Variants in AVL9 observed in about 807,000 individuals in gnomAD.
The protein encoded by AVL9 is AVL9 cell migration associated.
A neutral mutation model predicts 79.2 loss-of-function variants in AVL9; 49 were observed. That is an observed-to-expected ratio of 0.62 (90% CI 0.49 to 0.79). AVL9 has a LOEUF of 0.79. Ranked by LOEUF, AVL9 falls within the 30% of genes least tolerant of loss-of-function variation. The probability of loss-of-function intolerance (pLI) is 0.00; values close to 1 mark genes in which losing one functional copy is unlikely to be tolerated. For synonymous variants in AVL9, 299 were observed against 280.6 expected, an observed-to-expected ratio of 1.07 and a Z score of -0.65; for missense variants, 682 against 776.8, an observed-to-expected ratio of 0.88 and a Z score of 1.45.
intron 1 of AVL9, among the ~76,000 whole-genome samples, chr7:32,517,710 T>C (rs183984406): frequency 3.3e-5 from 5 of 152,332 alleles, no homozygotes; most frequent in African/African-American, 9.6e-5. Context: ...GATCAAGAGA[T>C]TTCATACTTA....
At chr7:32,570,995 C>A (rs1481573593) in intron 11 of AVL9, among the ~76,000 whole-genome samples, 1 of 139,020 alleles carries the variant, frequency 7.2e-6, no homozygotes, top group Admixed American at 7.4e-5. Context: ...TTGGGGAGGC[C>A]GAGGTGGGTA....
intron 1 of AVL9, among the ~76,000 whole-genome samples, chr7:32,528,965 G>A (rs1227659972): frequency 4.6e-5 from 7 of 152,136 alleles, no homozygotes; most frequent in Non-Finnish European, 8.8e-5. Context: ...AGCCAAGATC[G>A]CGCCACTGCA....
chr7:32,567,970 T>C (rs1481700603), intron 10 of AVL9, among the ~76,000 whole-genome samples: 1 of 151,942 alleles, frequency 6.6e-6, no homozygotes, highest in Non-Finnish European at 1.5e-5. Flanking sequence ...TCTGCCCTCT[T>C]CAGCCTCCCA....
In AVL9 at chr7:32,583,831, C is replaced by G; in HGVS notation, c.1871C>G (p.Ala624Gly). The G allele has an allele frequency of 6.2e-7, 1 of 1,614,082 alleles. No homozygotes were observed. The highest frequency in any genetic ancestry group is 8.5e-7 in the Non-Finnish European group (1 of 1,179,948). Reference sequence around the variant, plus strand: ...GGAGCTTTTTCCAGTGCAAAGACAGCTATGTCTTCATGGCTTTCCACTTTC... The same window carrying G: ...GGAGCTTTTTCCAGTGCAAAGACAGGTATGTCTTCATGGCTTTCCACTTTC... ...VGGAFSSAKT[A>G]MSSWLSTFTT... Residue 624 changes from alanine (A) to glycine (G), a missense_variant, in exon 16 of 16, where the codon GCT becomes GGT. Transcript: ENST00000318709.
intron 1 of AVL9, among the ~76,000 whole-genome samples, chr7:32,518,109 C>T (rs6971793): frequency 0.19 from 28,185 of 152,094 alleles, 2,870 homozygotes; most frequent in South Asian, 0.31. Flanking sequence ...AGGATTTACA[C>T]GTGTGAGCCA....
chr7:32,587,446 A>G lies in AVL9; in HGVS notation c.*3539A>G, dbSNP rs1791847724. On this transcript the variant is annotated 3_prime_UTR_variant, in exon 16 of 16. Coordinates refer to ENST00000318709, the MANE Select transcript of AVL9 (RefSeq NM_015060.3). The stretch of plus-strand genomic sequence containing the variant: ...ACAGCTAGTGGTCTTTTCCCTCCAG[A>G]GCCAGTGATGAGTGTGGGAGCACTT... 6.6e-6 allele frequency: 1 copy of G among 152,240 alleles called. No homozygotes were observed. Among genetic ancestry groups the G allele is most frequent in the Admixed American group, 6.5e-5 (1 of 15,282 alleles). 9.4% of individuals were successfully genotyped at this position (152,240 alleles called of 1,614,324 possible). A position where few individuals can be genotyped will look rare whatever the true frequency, so the allele number is the denominator to read the frequency against.
intron 3 of AVL9, among the ~76,000 whole-genome samples, chr7:32,548,004 A>G (rs1015855570): frequency 6.6e-6 from 1 of 152,172 alleles, no homozygotes; most frequent in Non-Finnish European, 1.5e-5. Flanking sequence ...CATCCTCACA[A>G]TCACTGAGAA....
Position 32,552,290 on chromosome 7 carries a change from A to G in AVL9, c.524A>G (p.Tyr175Cys). 9 of 1,593,198 alleles carry G rather than the reference A, an allele frequency of 5.6e-6. No individual in the cohort carries two copies. The highest frequency in any genetic ancestry group is 6.9e-6 in the Non-Finnish European group (8 of 1,162,238). The change falls in exon 6 of 16, where the codon TAT (tyrosine) becomes TGT (cysteine). Residue 175 changes from tyrosine to cysteine, a missense_variant. By Grantham distance (194) the Tyr-to-Cys change is radical. Transcript: ENST00000318709. ...GCTTCATTAGAAGGATCCCAAGTAT[A>G]TCTTGGTAAGTAACTGACTTACAAG... Reference protein sequence around the residue: ...GGASLEGSQVYLGLSPRDLVL... With the variant: ...GGASLEGSQVCLGLSPRDLVL...
intron 1 of AVL9, among the ~76,000 whole-genome samples, chr7:32,524,988 T>C (rs1426279913): frequency 6.6e-6 from 1 of 152,174 alleles, no homozygotes; most frequent in African/African-American, 2.4e-5. Flanking sequence ...ACAATACTCA[T>C]GAGCAGGGAG....
chr7:32,508,024 C>T (rs1787487613), intron 1 of AVL9, among the ~76,000 whole-genome samples: 1 of 152,182 alleles, frequency 6.6e-6, no homozygotes, highest in South Asian at 2.1e-4. Context: ...GGGCTATCCT[C>T]TTTTTGTGAC....
At chr7:32,557,472 A>AT (rs1790118426) in intron 8 of AVL9, among the ~76,000 whole-genome samples, 1 of 152,064 alleles carries the variant, frequency 6.6e-6, no homozygotes, top group Non-Finnish European at 1.5e-5. Flanking sequence ...TTCTTTCTAT[A>AT]TTTTGTGACA....
In AVL9 at chr7:32,544,775, C is replaced by T. The variant is rs1583551671; in HGVS notation, c.296C>T (p.Ala99Val). ...ATCTCTTGCTATCGACAAATTGAAG[C>T]CAAGGTACGATAGTTAATAGTGAAA... ...FGISCYRQIE[A>V]KALKVRQADI... The change falls in exon 3 of 16, where the codon GCC becomes GTC. Residue 99 changes from alanine (A) to valine (V), a missense_variant. Transcript: ENST00000318709. The T allele has an allele frequency of 6.2e-7, 1 of 1,612,104 alleles. No individual in the cohort carries two copies. Among genetic ancestry groups the T allele is most frequent in the Non-Finnish European group, 8.5e-7 (1 of 1,178,552 alleles).
intron 1 of AVL9, among the ~76,000 whole-genome samples, chr7:32,525,575 C>T (rs1031080038): frequency 6.6e-6 from 1 of 152,022 alleles, no homozygotes; most frequent in Non-Finnish European, 1.5e-5. Context: ...AGATTTCACC[C>T]CTAACTTTTG....
At chr7:32,570,813 G>T (rs555038552) in intron 11 of AVL9, among the ~76,000 whole-genome samples, 48 of 150,972 alleles carry the variant, frequency 3.2e-4, no homozygotes, top group Middle Eastern at 3.4e-3. Context: ...TAGAGATGGG[G>T]TTTCACCATG....
chr7:32,553,855 C>G (rs1789948915), intron 7 of AVL9, 88 bp downstream of exon 7: 1 of 917,964 alleles, frequency 1.1e-6, no homozygotes, highest in Non-Finnish European at 1.7e-6. Context: ...CTGCCAAATT[C>G]AGTGTGCTAA....
intron 10 of AVL9, among the ~76,000 whole-genome samples, chr7:32,564,243 T>G (rs185979782): frequency 3.3e-5 from 5 of 152,354 alleles, no homozygotes; most frequent in Admixed American, 3.3e-4. Context: ...CTTACTAACA[T>G]CCCTATAAAA....
chr7:32,560,524 T>C (rs2128142719), intron 10 of AVL9, among the ~76,000 whole-genome samples: 1 of 152,298 alleles, frequency 6.6e-6, no homozygotes, highest in South Asian at 2.1e-4. Flanking sequence ...AGTCACATTT[T>C]CAGATTCCAC....
At chr7:32,555,733 A>T (rs1336700191) in intron 8 of AVL9, among the ~76,000 whole-genome samples, 1 of 152,216 alleles carries the variant, frequency 6.6e-6, no homozygotes, top group Admixed American at 6.5e-5. Flanking sequence ...CCATCCTTGG[A>T]TCTGGGCCAG....
intron 1 of AVL9, among the ~76,000 whole-genome samples, chr7:32,515,009 A>G (rs1000362454): frequency 6.6e-6 from 1 of 152,084 alleles, no homozygotes; most frequent in Non-Finnish European, 1.5e-5. Flanking sequence ...AAGCAGAACA[A>G]TTTTTCTTAG....
Sources: allele counts gnomAD v4.1 joint callset (sites outside exome capture counted in the v4.1 genomes callset), GRCh38; gene constraint gnomAD v4.1.1; transcripts MANE v1.5; gene names NCBI Gene and HGNC (gene_info 2026-07-23, HGNC 2026-07-21).